Variants in TENM4 observed in about 807,000 individuals in gnomAD.
TENM4 encodes the protein teneurin-4.
Under a neutral mutation model 243.3 loss-of-function variants are expected in TENM4, and 82 were observed. The ratio of observed to expected loss-of-function variants is 0.34; its 90% confidence interval spans 0.28 to 0.40. The LOEUF (loss-of-function observed/expected upper bound fraction) is 0.40. Ranked by LOEUF, TENM4 falls within the 10% of genes least tolerant of loss-of-function variation. TENM4 has a pLI of 1.00. For synonymous variants in TENM4, 1,412 were observed against 1,456.3 expected (o/e 0.97, Z 0.69); for missense variants, 3,138 against 3,673.3 (o/e 0.85, Z 3.77).
intron 25 of TENM4, among the ~76,000 whole-genome samples, chr11:78,715,510 G>T (rs577806378): frequency 9.2e-5 from 14 of 152,316 alleles, no homozygotes; most frequent in African/African-American, 3.4e-4. Context: ...TCTCAGATCA[G>T]TCAATTCCAG....
chr11:79,157,195 G>A (rs973505071), intron 3 of TENM4, among the ~76,000 whole-genome samples: 1 of 152,110 alleles, frequency 6.6e-6, no homozygotes, highest in African/African-American at 2.4e-5. Flanking sequence ...GTCATTCTAA[G>A]TCCCATTTAT....
rs1565220161 is a variant in TENM4 at position 79,139,079 on chromosome 11, ATTATATTTCTAT to A, written c.-66+9619_-66+9630del. ...ATATATTATATTTCTATAAATATAT[ATTATATTTCTAT>A]AAATATATAAAATATATATTATATT... is the stretch of plus-strand genomic sequence containing the variant. On this transcript the variant is annotated intron_variant, in intron 4 of 33. Coordinates refer to ENST00000278550, the MANE Select transcript of TENM4 (RefSeq NM_001098816.3). Among the ~76,000 whole-genome samples, 93 of 35,742 alleles carry A rather than the reference ATTATATTTCTAT, an allele frequency of 2.6e-3. 23 individuals carry two copies. Among genetic ancestry groups the A allele is most frequent in the African/African-American group, 0.01 (55 of 5,420 alleles). The allele number at this position is 35,742 out of a possible 152,430, so 23.4% of individuals were successfully genotyped here.
intron 19 of TENM4, 115 bp from the exon 20 acceptor site, chr11:78,738,685 T>C: frequency 9.5e-7 from 1 of 1,048,012 alleles, no homozygotes; most frequent in Non-Finnish European, 1.4e-6. Flanking sequence ...ACACATCTTG[T>C]ACCCAGGGGT....
At chr11:78,704,005 C>CCACACA (rs146417954) in intron 27 of TENM4, among the ~76,000 whole-genome samples, 77 of 133,002 alleles carry the variant, frequency 5.8e-4, no homozygotes, top group African/African-American at 2.0e-3. Context: ...GCATGTGCCA[C>CCACACA]CACACACACA....
intron 3 of TENM4, among the ~76,000 whole-genome samples, chr11:79,180,946 A>G (rs1171566669): frequency 6.9e-6 from 1 of 145,604 alleles, no homozygotes; most frequent in Non-Finnish European, 1.6e-5. Context: ...TGTATTAATC[A>G]TTAATAATCT....
intron 24 of TENM4, among the ~76,000 whole-genome samples, chr11:78,721,132 C>T (rs373834059): frequency 3.9e-5 from 6 of 152,246 alleles, no homozygotes; most frequent in South Asian, 4.1e-4. Context: ...CTGATTTCCT[C>T]GTCCATGGTG....
At chr11:78,983,635 T>C (rs1430053249) in intron 6 of TENM4, among the ~76,000 whole-genome samples, 3 of 152,240 alleles carry the variant, frequency 2.0e-5, no homozygotes, top group Admixed American at 2.0e-4. Flanking sequence ...AGGCCTTGCC[T>C]GGCATGTGCC....
At chr11:79,410,679 T>C (rs1318323671) in intron 1 of TENM4, among the ~76,000 whole-genome samples, 1 of 152,256 alleles carries the variant, frequency 6.6e-6, no homozygotes, top group East Asian at 1.9e-4. Context: ...ATTTGCCTTC[T>C]CTGACCTTTC....
intron 4 of TENM4, among the ~76,000 whole-genome samples, chr11:79,098,347 T>A (rs1276117793): frequency 2.0e-5 from 3 of 151,784 alleles, no homozygotes; most frequent in African/African-American, 7.3e-5. Flanking sequence ...CCCAGGGCCC[T>A]TCTCCTGACC....
rs114100394 is a variant in TENM4 at position 78,658,455 on chromosome 11, C to T, written c.7913G>A (p.Arg2638Gln). 2,491 of 1,614,020 alleles carry T rather than the reference C, an allele frequency of 1.5e-3. 39 individuals are homozygous for T. The African/African-American group carries it at 0.028, about 18-fold the overall frequency. Residue 2638 changes from arginine to glutamine, a missense_variant, in exon 34 of 34, where the codon CGG (arginine) becomes CAG (glutamine). Coordinates refer to ENST00000278550, the MANE Select transcript of TENM4 (RefSeq NM_001098816.3). ...DLAILGLSGG[R>Q]RTLENGVNVT... ...GTTGACCCCATTCTCCAGGGTTCGC[C>T]GCCCCCCACTGAGGCCCAGGATGGC...
intron 6 of TENM4, among the ~76,000 whole-genome samples, chr11:78,993,464 C>T (rs1858094256): frequency 6.6e-6 from 1 of 152,100 alleles, no homozygotes; most frequent in Non-Finnish European, 1.5e-5. Flanking sequence ...CTGTTTTCAT[C>T]TCTCTCTTCT....
At chr11:78,780,060 T>C (rs907459427) in intron 16 of TENM4, among the ~76,000 whole-genome samples, 7 of 152,304 alleles carry the variant, frequency 4.6e-5, no homozygotes, top group African/African-American at 1.7e-4. Context: ...TGAGGCTACA[T>C]GCTTTTCTTC....
intron 6 of TENM4, among the ~76,000 whole-genome samples, chr11:78,936,627 T>C (rs1343306642): frequency 6.6e-6 from 1 of 152,250 alleles, no homozygotes; most frequent in Non-Finnish European, 1.5e-5. Flanking sequence ...GGAACTGCTC[T>C]TCCCATACTG....
chr11:78,875,110 T>G (rs989951857), intron 9 of TENM4, among the ~76,000 whole-genome samples: 2 of 152,342 alleles, frequency 1.3e-5, no homozygotes, highest in Non-Finnish European at 2.9e-5. Context: ...TGAAGCACTT[T>G]GGGTGCAAAC....
At chr11:78,915,538 C>T (rs79018997) in intron 6 of TENM4, among the ~76,000 whole-genome samples, 1,771 of 152,266 alleles carry the variant, frequency 0.012, 33 homozygotes, top group African/African-American at 0.041. Context: ...CCTCATCCTT[C>T]TCTTTAAACT....
chr11:79,281,699 C>A (rs1163087726), intron 2 of TENM4, among the ~76,000 whole-genome samples: 4 of 152,182 alleles, frequency 2.6e-5, no homozygotes, highest in Non-Finnish European at 5.9e-5. Context: ...CATCTAAGGA[C>A]AATTCTGCAA....
chr11:78,890,141 C>A lies in TENM4; in HGVS notation c.849-121G>T, dbSNP rs1171054977. On this transcript the variant is annotated intron_variant, in intron 8 of 33. Coordinates refer to ENST00000278550, the MANE Select transcript of TENM4 (RefSeq NM_001098816.3). ...GCAGAGGAGCCTGGATAGAGAGAGT[C>A]ACCACAGAGACCTGGGAAAGGACAG... The A allele has an allele frequency of 4.1e-6, 3 of 727,218 alleles. No homozygotes were observed. In the African/African-American group the frequency reaches 5.3e-5, roughly 13 times the overall value. 45.0% of individuals were successfully genotyped at this position (727,218 alleles called of 1,614,324 possible).
chr11:78,798,295 G>A (rs778714955), intron 15 of TENM4, among the ~76,000 whole-genome samples: 3 of 152,178 alleles, frequency 2.0e-5, no homozygotes, highest in Non-Finnish European at 4.4e-5. Context: ...TTTTGCTGTC[G>A]ATTGTGACCT....
chr11:79,006,239 T>C (rs566481019), intron 6 of TENM4, among the ~76,000 whole-genome samples: 1 of 152,270 alleles, frequency 6.6e-6, no homozygotes, highest in East Asian at 1.9e-4. Flanking sequence ...TACCTCCCTT[T>C]CTACCTTCAG....
Sources: allele counts gnomAD v4.1 joint callset (sites outside exome capture counted in the v4.1 genomes callset), GRCh38; gene constraint gnomAD v4.1.1; transcripts MANE v1.5; gene names NCBI Gene and HGNC (gene_info 2026-07-23, HGNC 2026-07-21).